PRDM5: variants seen among roughly 807,000 people sequenced by gnomAD.
PRDM5 encodes the protein PR/SET domain 5.
In PRDM5, 56 loss-of-function variants were observed where a neutral mutation model predicts 81.2. The ratio of observed to expected loss-of-function variants is 0.69; its 90% confidence interval spans 0.56 to 0.86. PRDM5 has a LOEUF of 0.86. Among genes scored for constraint, PRDM5 ranks in the 40% least tolerant of loss-of-function variants. The probability of loss-of-function intolerance (pLI) is 0.00; values close to 1 mark genes in which losing one functional copy is unlikely to be tolerated. For synonymous variants in PRDM5, 267 were observed against 256.4 expected (o/e 1.04, Z -0.39); for missense variants, 697 against 770.1 (o/e 0.91, Z 1.12).
intron 7 of PRDM5, among the ~76,000 whole-genome samples, chr4:120,814,827 G>A (rs542034571): frequency 2.0e-5 from 3 of 152,198 alleles, no homozygotes; most frequent in East Asian, 1.9e-4. Flanking sequence ...CAAAACATAT[G>A]GCATAGTAAC....
chr4:120,852,989 C>T lies in PRDM5; in HGVS notation c.300+429G>A, dbSNP rs1306102363. ...TCTCTGGGAAACCCTGACTAACACA[C>T]CACCTCCGACAAGCTCAAAGCCTGG... On this transcript the variant is annotated intron_variant, in intron 3 of 15. Coordinates refer to ENST00000264808, the MANE Select transcript of PRDM5 (RefSeq NM_018699.4). Among the ~76,000 whole-genome samples the T allele has an allele frequency of 1.6e-4, 25 of 151,906 alleles. 1 individual carries two copies. The highest frequency in any genetic ancestry group is 1.6e-3 in the Admixed American group (25 of 15,238).
intron 15 of PRDM5, among the ~76,000 whole-genome samples, chr4:120,697,592 C>T (rs1006389480): frequency 6.6e-6 from 1 of 151,036 alleles, no homozygotes; most frequent in Non-Finnish European, 1.5e-5. Flanking sequence ...TCACTGCAGC[C>T]TCGACCTCCC....
intron 13 of PRDM5, among the ~76,000 whole-genome samples, chr4:120,754,871 A>G (rs776557225): frequency 6.6e-6 from 1 of 152,234 alleles, no homozygotes; most frequent in African/African-American, 2.4e-5. Context: ...CCGATACTCA[A>G]AAATAAACAT....
At chr4:120,790,702 T>A (rs1750438358) in intron 10 of PRDM5, among the ~76,000 whole-genome samples, 1 of 152,166 alleles carries the variant, frequency 6.6e-6, no homozygotes, top group Admixed American at 6.5e-5. Flanking sequence ...ATAACATAAA[T>A]CTGTAGAATT....
Position 120,922,692 on chromosome 4 carries a change from G to C in PRDM5, c.-84C>G, listed in dbSNP as rs1281241145. ...GGCACATCGAAATTTGGGGTGCCAG[G>C]GTAGAGGGGAGAAACCGGCAGGGAA... On this transcript the variant is annotated 5_prime_UTR_variant, in exon 1 of 16. Coordinates refer to ENST00000264808, the MANE Select transcript of PRDM5 (RefSeq NM_018699.4). 5.0e-5 allele frequency: 76 copies of C among 1,523,892 alleles called. No homozygotes were observed. The highest frequency in any genetic ancestry group is 6.0e-5 in the Non-Finnish European group (67 of 1,124,648). The allele number at this position is 1,523,892 out of a possible 1,614,324, so 94.4% of individuals were successfully genotyped here.
intron 12 of PRDM5, among the ~76,000 whole-genome samples, chr4:120,779,437 C>CA (rs1309095491): frequency 2.0e-5 from 3 of 151,848 alleles, no homozygotes; most frequent in Non-Finnish European, 4.4e-5. Context: ...TGAAAGTCAA[C>CA]AAAAAATGTG....
chr4:120,707,185 G>A (rs1736295881), intron 15 of PRDM5, among the ~76,000 whole-genome samples: 1 of 151,920 alleles, frequency 6.6e-6, no homozygotes, highest in Non-Finnish European at 1.5e-5. Flanking sequence ...AAACAAGCAA[G>A]CAAAATACTA....
At position 120,818,391 on chromosome 4, in the gene PRDM5, A is replaced by G. The variant is rs777607555; in HGVS notation, c.612T>C (p.Cys204=). 6.2e-7 allele frequency: 1 copy of G among 1,614,068 alleles called. No homozygotes were observed. Among genetic ancestry groups the G allele is most frequent in the South Asian group, 1.1e-5 (1 of 91,084 alleles). The change falls in exon 5 of 16, where the codon TGT becomes TGC. Residue 204 remains cysteine (C), a synonymous_variant. Transcript: ENST00000264808. ...TEEKEFKCKN[C]GKKFPVKQAL... ...CCTGCTTAACTGGGAATTTCTTCCC[A>G]CAGTTCTTGCACTTAAATTCTTTCT...
At chr4:120,811,687 T>A (rs1753858608) in intron 7 of PRDM5, among the ~76,000 whole-genome samples, 1 of 152,100 alleles carries the variant, frequency 6.6e-6, no homozygotes, top group South Asian at 2.1e-4. Flanking sequence ...GCCTTCAGAA[T>A]AAAGACCCAA....
intron 2 of PRDM5, among the ~76,000 whole-genome samples, chr4:120,901,565 C>G (rs890608298): frequency 6.6e-6 from 1 of 152,112 alleles, no homozygotes; most frequent in Non-Finnish European, 1.5e-5. Context: ...CATCTGGAAC[C>G]CTTACGAGGC....
chr4:120,734,446 A>ACACACACC (rs941793836), intron 14 of PRDM5, among the ~76,000 whole-genome samples: 1 of 151,146 alleles, frequency 6.6e-6, no homozygotes, highest in Non-Finnish European at 1.5e-5. Flanking sequence ...ACACACACAC[A>ACACACACC]CCCTTACTCA....
chr4:120,800,635 A>G (rs1469391424), intron 8 of PRDM5, among the ~76,000 whole-genome samples: 2 of 152,178 alleles, frequency 1.3e-5, no homozygotes, highest in Admixed American at 6.5e-5. Flanking sequence ...GATCTAATGT[A>G]TAACACGAAG....
intron 2 of PRDM5, among the ~76,000 whole-genome samples, chr4:120,878,735 C>A (rs889290844): frequency 6.6e-6 from 1 of 152,086 alleles, no homozygotes; most frequent in African/African-American, 2.4e-5. Flanking sequence ...AAAATCTAAA[C>A]AAACCCTTGG....
intron 2 of PRDM5, among the ~76,000 whole-genome samples, chr4:120,907,003 TAA>T (rs3086696): frequency 4.5e-4 from 50 of 111,696 alleles, no homozygotes; most frequent in Admixed American, 5.5e-4. Context: ...CCACTTTCTC[TAA>T]AAAAAAAAAA....
In PRDM5 at chr4:120,897,372, C is replaced by CT. The variant is rs1030264045; in HGVS notation, c.177+10101dup. On this transcript the variant is annotated intron_variant, in intron 2 of 15. Coordinates refer to ENST00000264808, the MANE Select transcript of PRDM5 (RefSeq NM_018699.4). Reference sequence around the variant, plus strand: ...CTTACTGTTTCTTTTTTAATGTCTCCTTTTTTTTCTAGCTGCTTTTAGGAT... The same window carrying CT: ...CTTACTGTTTCTTTTTTAATGTCTCCTTTTTTTTTCTAGCTGCTTTTAGGAT... Among the ~76,000 whole-genome samples the CT allele has an allele frequency of 8.6e-4, 131 of 151,746 alleles. 1 individual carries two copies. Among genetic ancestry groups the CT allele is most frequent in the African/African-American group, 3.0e-3 (126 of 41,398 alleles).
chr4:120,686,277 C>G (rs575730048), intron 1 of PRDM5, among the ~76,000 whole-genome samples: 3 of 152,176 alleles, frequency 2.0e-5, no homozygotes, highest in African/African-American at 7.2e-5. Context: ...CGGCCTAATA[C>G]TCCTTTCATT....
chr4:120,770,832 A>C (rs1747167198), intron 13 of PRDM5, among the ~76,000 whole-genome samples: 1 of 152,186 alleles, frequency 6.6e-6, no homozygotes, highest in Non-Finnish European at 1.5e-5. Flanking sequence ...TACACACTAA[A>C]TATTTGTATT....
At chr4:120,747,843 C>A (rs1743369087) in intron 14 of PRDM5, among the ~76,000 whole-genome samples, 1 of 152,184 alleles carries the variant, frequency 6.6e-6, no homozygotes, top group Non-Finnish European at 1.5e-5. Context: ...AACTTGAAAC[C>A]TGTATAAGTT....
At chr4:120,902,234 T>C (rs1765309162) in intron 2 of PRDM5, among the ~76,000 whole-genome samples, 1 of 152,188 alleles carries the variant, frequency 6.6e-6, no homozygotes, top group Non-Finnish European at 1.5e-5. Flanking sequence ...AGCAAGGAAA[T>C]GCACAAACTG....
Sources: gnomAD v4.1 joint callset for allele counts (sites outside exome capture counted in the v4.1 genomes callset) on GRCh38, gnomAD v4.1.1 for gene constraint, MANE v1.5 for transcripts, NCBI Gene and HGNC (gene_info 2026-07-23, HGNC 2026-07-21) for gene names.